GABRA2: variants seen among roughly 807,000 people sequenced by gnomAD.
GABRA2 encodes gamma-aminobutyric acid type A receptor subunit alpha2.
Under a neutral mutation model 48.7 loss-of-function variants are expected in GABRA2, and 16 were observed. That is an observed-to-expected ratio of 0.33 (90% CI 0.22 to 0.50). GABRA2 has a LOEUF of 0.50. GABRA2 is among the 20% of genes least tolerant of loss of function. The probability of loss-of-function intolerance (pLI) is 0.98; values close to 1 mark genes in which losing one functional copy is unlikely to be tolerated. For missense variants in GABRA2, 275 were observed against 535.6 expected (o/e 0.51, Z 4.80); for synonymous variants, 185 against 184.5 (o/e 1.00, Z -0.02).
intron 3 of GABRA2, among the ~76,000 whole-genome samples, chr4:46,336,917 G>A (rs373466182): frequency 1.6e-4 from 24 of 151,996 alleles, no homozygotes; most frequent in African/African-American, 1.7e-4. Flanking sequence ...CAAAATGCAC[G>A]TATAAATAAT....
In GABRA2 at chr4:46,245,759, A is replaced by G. The variant is rs559441781; in HGVS notation, c.*4549T>C. Among the ~76,000 whole-genome samples the G allele has an allele frequency of 3.3e-5, 5 of 151,302 alleles. No homozygotes were observed. The South Asian group carries it at 1.0e-3, about 31-fold the overall frequency. On this transcript the variant is annotated 3_prime_UTR_variant, in exon 10 of 10. Coordinates refer to ENST00000381620, the MANE Select transcript of GABRA2 (RefSeq NM_000807.4). ...CACACAGCTAAGACCCTATTAAAAGATCTTTGGGAACATTACTGTAAGCTG... is the reference window on the plus strand; with the variant it reads ...CACACAGCTAAGACCCTATTAAAAGGTCTTTGGGAACATTACTGTAAGCTG...
chr4:46,259,734 T>C (rs1181560978), intron 9 of GABRA2, among the ~76,000 whole-genome samples: 3 of 151,802 alleles, frequency 2.0e-5, no homozygotes, highest in Non-Finnish European at 4.4e-5. Context: ...CAAAAGGACT[T>C]CCATAAGCCT....
At chr4:46,251,139 A>G (rs947364392) in intron 9 of GABRA2, among the ~76,000 whole-genome samples, 1 of 151,496 alleles carries the variant, frequency 6.6e-6, no homozygotes, top group African/African-American at 2.4e-5. Flanking sequence ...GAAGGAGAAT[A>G]AAATACAAAG....
At chr4:46,382,501 C>G (rs1044259790) in intron 3 of GABRA2, among the ~76,000 whole-genome samples, 1 of 152,030 alleles carries the variant, frequency 6.6e-6, no homozygotes, top group Non-Finnish European at 1.5e-5. Context: ...CTTGCAGGGC[C>G]TTGCAGGTCA....
intron 9 of GABRA2, among the ~76,000 whole-genome samples, chr4:46,256,014 G>GA (rs570150650): frequency 3.6e-4 from 55 of 151,336 alleles, no homozygotes; most frequent in Non-Finnish European, 1.0e-4. Context: ...AGGCTTTGGA[G>GA]AAAAAAATCA....
intron 3 of GABRA2, among the ~76,000 whole-genome samples, chr4:46,359,331 T>C (rs1712762654): frequency 6.6e-6 from 1 of 152,162 alleles, no homozygotes; most frequent in African/African-American, 2.4e-5. Context: ...TAAACTAATC[T>C]TTATAGCACT....
At chr4:46,254,066 T>C (rs1381007546) in intron 9 of GABRA2, among the ~76,000 whole-genome samples, 2 of 151,544 alleles carry the variant, frequency 1.3e-5, no homozygotes, top group African/African-American at 2.4e-5. Flanking sequence ...ATTAATATTC[T>C]TTATAAGACA....
chr4:46,282,148 G>C (rs1202849280), intron 8 of GABRA2, among the ~76,000 whole-genome samples: 1 of 152,068 alleles, frequency 6.6e-6, no homozygotes, highest in Admixed American at 6.5e-5. Flanking sequence ...GCAGAGTGAG[G>C]GTGCATGATA....
rs769368081 is a variant in GABRA2, at chr4:46,247,605, A to G, written c.*2703T>C. On this transcript the variant is annotated 3_prime_UTR_variant, in exon 10 of 10. Coordinates refer to ENST00000381620, the MANE Select transcript of GABRA2 (RefSeq NM_000807.4). ...TGTACATACCATAACTCTTTATGTC[A>G]TTGTACAACTGCATAAAATAGGTAT... Among the ~76,000 whole-genome samples the G allele has an allele frequency of 2.0e-5, 3 of 151,258 alleles. No individual in the cohort carries two copies. Among genetic ancestry groups the G allele is most frequent in the Non-Finnish European group, 4.4e-5 (3 of 67,468 alleles).
At position 46,388,711 on chromosome 4, in the gene GABRA2, G is replaced by A. The variant is rs375903206; in HGVS notation, c.-5C>T. The A allele has an allele frequency of 7.4e-6, 12 of 1,613,816 alleles. No homozygotes were observed. In the Admixed American group the frequency reaches 1.2e-4, roughly 16 times the overall value. ...GATGTTCAATTTTGTCTTCATCACC[G>A]CCGCTCTTTACAAAGCCATGGAATG... is the stretch of plus-strand genomic sequence containing the variant. On this transcript the variant is annotated 5_prime_UTR_variant, in exon 2 of 10. Coordinates refer to ENST00000381620, the MANE Select transcript of GABRA2 (RefSeq NM_000807.4).
intron 3 of GABRA2, among the ~76,000 whole-genome samples, chr4:46,343,367 T>C (rs543525886): frequency 1.3e-5 from 2 of 151,972 alleles, no homozygotes; most frequent in Non-Finnish European, 2.9e-5. Context: ...TGACTCAATT[T>C]GGGGTAGAGG....
chr4:46,361,077 C>G (rs1713102828), intron 3 of GABRA2, among the ~76,000 whole-genome samples: 1 of 152,128 alleles, frequency 6.6e-6, no homozygotes, highest in African/African-American at 2.4e-5. Flanking sequence ...TGCAGCCTGA[C>G]AATGCAATAG....
chr4:46,317,586 A>G (rs1482394477), intron 4 of GABRA2, among the ~76,000 whole-genome samples: 5 of 151,750 alleles, frequency 3.3e-5, no homozygotes, highest in Non-Finnish European at 7.4e-5. Context: ...GTGAATTTAC[A>G]ATACTTATTT....
intron 8 of GABRA2, among the ~76,000 whole-genome samples, chr4:46,293,818 G>T (rs962629414): frequency 6.6e-6 from 1 of 152,154 alleles, no homozygotes; most frequent in African/African-American, 2.4e-5. Context: ...AAATGCAGGG[G>T]TGGTGACTTT....
At chr4:46,336,665 T>C (rs1732283972) in intron 3 of GABRA2, among the ~76,000 whole-genome samples, 1 of 152,170 alleles carries the variant, frequency 6.6e-6, no homozygotes, top group African/African-American at 2.4e-5. Flanking sequence ...TAGAAGAATG[T>C]ATAATCCTTA....
At chr4:46,335,583 C>G (rs1219688695) in intron 3 of GABRA2, among the ~76,000 whole-genome samples, 1 of 152,162 alleles carries the variant, frequency 6.6e-6, no homozygotes, top group Non-Finnish European at 1.5e-5. Context: ...AAGTGATTCT[C>G]CTGCCTCAGC....
At chr4:46,285,158 C>G (rs1421744148) in intron 8 of GABRA2, among the ~76,000 whole-genome samples, 1 of 151,382 alleles carries the variant, frequency 6.6e-6, no homozygotes, top group African/African-American at 2.4e-5. Context: ...CATGCATACA[C>G]ATACGCTCAT....
chr4:46,317,210 G>A (rs1728693580), intron 4 of GABRA2, among the ~76,000 whole-genome samples: 2 of 151,824 alleles, frequency 1.3e-5, no homozygotes, highest in Admixed American at 1.3e-4. Context: ...TAATCTCAGG[G>A]AAGCAGGTTG....
chr4:46,296,984 G>A (rs372243111), intron 8 of GABRA2, among the ~76,000 whole-genome samples: 2 of 152,238 alleles, frequency 1.3e-5, no homozygotes, highest in East Asian at 1.9e-4. Context: ...AAAGATAGTT[G>A]TATTACCTTA....
Sources: allele counts gnomAD v4.1 joint callset (sites outside exome capture counted in the v4.1 genomes callset), GRCh38; gene constraint gnomAD v4.1.1; transcripts MANE v1.5; gene names NCBI Gene and HGNC (gene_info 2026-07-23, HGNC 2026-07-21).